The following ROBO2 variants were observed in gnomAD, a reference collection of about 807,000 sequenced individuals.
ROBO2 encodes roundabout homolog 2.
A neutral mutation model predicts 160.8 loss-of-function variants in ROBO2; 53 were observed. That is an observed-to-expected ratio of 0.33 (90% CI 0.26 to 0.41). The LOEUF is 0.41. Ranked by LOEUF, ROBO2 falls within the 10% of genes least tolerant of loss-of-function variation. The pLI is 1.00. For missense variants in ROBO2, 1,577 were observed against 1,722.4 expected (o/e 0.92, Z 1.49); for synonymous variants, 664 against 611.7 (o/e 1.09, Z -1.26).
chr3:76,749,704 G>T (rs1368851507), intron 2 of ROBO2, among the ~76,000 whole-genome samples: 2 of 152,080 alleles, frequency 1.3e-5, no homozygotes, highest in Non-Finnish European at 2.9e-5. Flanking sequence ...GCCATGGAAA[G>T]ATGTTTGTAT....
At position 76,346,891 on chromosome 3, in the gene ROBO2, T is replaced by C. The variant is rs141916282; in HGVS notation, c.109+409289T>C. ...GGCCTCCTGTTATAACAGGGCCACT[T>C]TGCATCAATTGAGAATAAAAGCATA... On this transcript the variant is annotated intron_variant, in intron 2 of 26. Transcript: ENST00000487694. Among the ~76,000 whole-genome samples, 873 of 152,248 alleles carry C rather than the reference T, an allele frequency of 5.7e-3. 7 individuals carry two copies. The highest frequency in any genetic ancestry group is 0.02 in the African/African-American group (826 of 41,560).
rs147730563 is a variant in ROBO2, at chr3:76,919,579, C to T, written c.110-178435C>T. On this transcript the variant is annotated intron_variant, in intron 2 of 26. Coordinates refer to the ROBO2 transcript ENST00000487694. ...AAGGAAACAATCATGACTTCATGAT[C>T]GGTATATAATTCAAAACACTTGTTT... 7.8e-3 allele frequency among the ~76,000 whole-genome samples: 1,191 copies of T among 152,160 alleles called. 7 individuals carry two copies. Among genetic ancestry groups the T allele is most frequent in the Non-Finnish European group, 0.012 (821 of 67,962 alleles).
intron 2 of ROBO2, among the ~76,000 whole-genome samples, chr3:76,213,635 T>C (rs765063606): frequency 2.0e-5 from 3 of 152,176 alleles, no homozygotes; most frequent in Non-Finnish European, 4.4e-5. Context: ...TTTGCAAATA[T>C]CTTGCATTTA....
intron 2 of ROBO2, among the ~76,000 whole-genome samples, chr3:76,862,207 T>C (rs2070858496): frequency 6.6e-6 from 1 of 152,120 alleles, no homozygotes; most frequent in East Asian, 1.9e-4. Flanking sequence ...TCTTACATCT[T>C]ATTACCCAGA....
At chr3:76,217,315 G>T (rs1703612685) in intron 2 of ROBO2, among the ~76,000 whole-genome samples, 1 of 152,090 alleles carries the variant, frequency 6.6e-6, no homozygotes, top group African/African-American at 2.4e-5. Context: ...ACTAAAATCA[G>T]AGCAGAACTG....
intron 2 of ROBO2, among the ~76,000 whole-genome samples, chr3:76,747,374 A>G (rs1022738502): frequency 2.0e-5 from 3 of 152,090 alleles, no homozygotes; most frequent in Admixed American, 2.0e-4. Context: ...ACTGACATAT[A>G]TACTTATCTT....
intron 2 of ROBO2, among the ~76,000 whole-genome samples, chr3:76,659,892 A>G (rs1384478667): frequency 6.6e-6 from 1 of 152,158 alleles, no homozygotes; most frequent in African/African-American, 2.4e-5. Flanking sequence ...GCCATTGTCA[A>G]TATACAGTGC....
chr3:76,537,512 G>A (rs1322629738), intron 2 of ROBO2, among the ~76,000 whole-genome samples: 2 of 152,036 alleles, frequency 1.3e-5, no homozygotes, highest in Non-Finnish European at 2.9e-5. Flanking sequence ...GAGAGAGGCT[G>A]GAGAAGAGGG....
intron 2 of ROBO2, among the ~76,000 whole-genome samples, chr3:76,082,399 A>G (rs912658247): frequency 6.6e-6 from 1 of 152,142 alleles, no homozygotes; most frequent in Non-Finnish European, 1.5e-5. Context: ...GGAAGGGTAG[A>G]TGATGAGAGT....
chr3:76,860,638 A>G (rs569363567), intron 2 of ROBO2, among the ~76,000 whole-genome samples: 1 of 152,200 alleles, frequency 6.6e-6, no homozygotes, highest in African/African-American at 2.4e-5. Flanking sequence ...TATCCTCGTC[A>G]TTGTCTGCCA....
chr3:75,992,485 T>A (rs1488407824), intron 2 of ROBO2, among the ~76,000 whole-genome samples: 1 of 152,118 alleles, frequency 6.6e-6, no homozygotes, highest in Non-Finnish European at 1.5e-5. Context: ...TCCTTCTAGA[T>A]TTCAGAGGAT....
chr3:77,618,149 T>G, intron 22 of ROBO2: 1 of 283,002 alleles, frequency 3.5e-6, no homozygotes. Context: ...CATCCCATGA[T>G]GTAATAAAAG....
intron 2 of ROBO2, among the ~76,000 whole-genome samples, chr3:76,492,898 T>C (rs1034028493): frequency 6.6e-6 from 1 of 152,212 alleles, no homozygotes; most frequent in Non-Finnish European, 1.5e-5. Flanking sequence ...TATAATTGGA[T>C]ATAATCATGT....
At chr3:76,016,540 C>T (rs1298450786) in intron 2 of ROBO2, among the ~76,000 whole-genome samples, 1 of 150,880 alleles carries the variant, frequency 6.6e-6, no homozygotes, top group Admixed American at 6.6e-5. Context: ...AAATAAGGAA[C>T]CTGGGGAAAG....
chr3:77,428,363 T>A, intron 2 of ROBO2, among the ~76,000 whole-genome samples: 1 of 106,842 alleles, frequency 9.4e-6, no homozygotes, highest in East Asian at 3.3e-4. Context: ...TTTTTTTTTT[T>A]TTTGAGACGG....
upstream of ROBO2, among the ~76,000 whole-genome samples, chr3:77,038,923 C>G (rs1460563079): frequency 6.6e-6 from 1 of 152,196 alleles, no homozygotes; most frequent in Non-Finnish European, 1.5e-5. Flanking sequence ...GAATTTCCTT[C>G]TGGAGGTGCT....
chr3:75,909,663 C>T lies in ROBO2; in HGVS notation c.-14+2703C>T, dbSNP rs545891754. Reference sequence around the variant, plus strand: ...AAATTTTCTCTTCCCTCAGATCCTACAAAATACTTCAAGCAGTGTATGTGT... The same window carrying T: ...AAATTTTCTCTTCCCTCAGATCCTATAAAATACTTCAAGCAGTGTATGTGT... On this transcript the variant is annotated intron_variant, in intron 1 of 26. Transcript: ENST00000487694. Among the ~76,000 whole-genome samples, 10 of 152,252 alleles carry T rather than the reference C, an allele frequency of 6.6e-5. No homozygotes were observed. The East Asian group carries it at 1.9e-3, about 30-fold the overall frequency.
chr3:76,549,656 C>T (rs1449800166), intron 2 of ROBO2, among the ~76,000 whole-genome samples: 2 of 152,148 alleles, frequency 1.3e-5, no homozygotes, highest in African/African-American at 2.4e-5. Flanking sequence ...GGTAAGTGAC[C>T]ATCAATAACG....
intron 2 of ROBO2, among the ~76,000 whole-genome samples, chr3:76,428,695 A>G (rs1028173411): frequency 1.3e-5 from 2 of 152,152 alleles, no homozygotes; most frequent in African/African-American, 4.8e-5. Flanking sequence ...TATATATTAG[A>G]TTTGGTTTTA....
Sources: gnomAD v4.1 joint callset for allele counts (sites outside exome capture counted in the v4.1 genomes callset) on GRCh38, gnomAD v4.1.1 for gene constraint, MANE v1.5 for transcripts, NCBI Gene and HGNC (gene_info 2026-07-23, HGNC 2026-07-21) for gene names.